SCN10A: variants seen among roughly 807,000 people sequenced by gnomAD.
SCN10A encodes sodium channel protein type 10 subunit alpha.
In SCN10A, 162 loss-of-function variants were observed where a neutral mutation model predicts 170.7. That is an observed-to-expected ratio of 0.95 (90% CI 0.84 to 1.08). The LOEUF is 1.08. Ranked by LOEUF, SCN10A falls within the 50% of genes least tolerant of loss-of-function variation. The probability of loss-of-function intolerance (pLI) is 0.00; values close to 1 mark genes in which losing one functional copy is unlikely to be tolerated. For synonymous variants in SCN10A, 985 were observed against 904.6 expected (o/e 1.09, Z -1.59); for missense variants, 2,527 against 2,436.9 (o/e 1.04, Z -0.78).
At chr3:38,756,493 T>A (rs961677510) in intron 10 of SCN10A, among the ~76,000 whole-genome samples, 181 bp downstream of exon 10, 1 of 152,200 alleles carries the variant, frequency 6.6e-6, no homozygotes, top group Non-Finnish European at 1.5e-5. Flanking sequence ...ATAGGTCACT[T>A]GCACAAGAAT....
At chr3:38,796,365 G>C (rs138952970) in intron 1 of SCN10A, among the ~76,000 whole-genome samples, 231 of 152,090 alleles carry the variant, frequency 1.5e-3, no homozygotes, top group Middle Eastern at 0.01. Flanking sequence ...CATACTGCTG[G>C]TCCAATCACT....
At position 38,742,335 on chromosome 3, in the gene SCN10A, C is replaced by T. The variant is rs779931477; in HGVS notation, c.2062G>A (p.Gly688Ser). 7 of 1,614,124 alleles carry T rather than the reference C, an allele frequency of 4.3e-6. No homozygotes were observed. In the Admixed American group the frequency reaches 6.7e-5, roughly 15 times the overall value. Residue 688 changes from glycine to serine, a missense_variant, in exon 14 of 28, where the codon GGC becomes AGC. Coordinates refer to ENST00000449082, the MANE Select transcript of SCN10A (RefSeq NM_006514.4). ...NTIFMAMEHH[G>S]MSPTFEAMLQ... ...ATGGCTTCGAAGGTAGGGCTCATGC[C>T]ATGGTGCTCCATGGCCATGAAGATG...
At chr3:38,713,338 G>C (rs1409524288) in intron 22 of SCN10A, among the ~76,000 whole-genome samples, 1 of 152,056 alleles carries the variant, frequency 6.6e-6, no homozygotes, top group Admixed American at 6.6e-5. Context: ...AGACTCATTT[G>C]TCATGGAAAG....
In SCN10A at chr3:38,768,388, T is replaced by A. The variant is rs138982168; in HGVS notation, c.599+2891A>T. 3.9e-5 allele frequency among the ~76,000 whole-genome samples: 6 copies of A among 152,304 alleles called. No individual in the cohort carries two copies. In the East Asian group the frequency reaches 1.2e-3, roughly 29 times the overall value. ...ATTTTGGTGTATTTTAAGGTTTTAT[T>A]TCAAGATTTAGAATTCCTTTTAGCA... On this transcript the variant is annotated intron_variant, in intron 5 of 27. Transcript: ENST00000449082.
chr3:38,717,180 T>G (rs2063342176), intron 21 of SCN10A, among the ~76,000 whole-genome samples: 1 of 151,168 alleles, frequency 6.6e-6, no homozygotes, highest in Non-Finnish European at 1.5e-5. Context: ...GAAAGAAGAA[T>G]GGGAATGGAT....
chr3:38,775,142 A>G (rs760714819), intron 4 of SCN10A, among the ~76,000 whole-genome samples: 1 of 152,220 alleles, frequency 6.6e-6, no homozygotes, highest in Non-Finnish European at 1.5e-5. Context: ...TACACAATTT[A>G]GTGGCATTAA....
rs544459331 is a variant in SCN10A at position 38,810,743 on chromosome 3, A to G, written c.-33+5294T>C. Among the ~76,000 whole-genome samples the G allele has an allele frequency of 1.8e-4, 28 of 152,364 alleles. No homozygotes were observed. The South Asian group carries it at 4.4e-3, about 24-fold the overall frequency. Reference sequence around the variant, plus strand: ...TAGCTCTGTGCCCCTGGTGCCTGGCAGCAAACAGCACATAGCACATACCCC... The same window carrying G: ...TAGCTCTGTGCCCCTGGTGCCTGGCGGCAAACAGCACATAGCACATACCCC... On this transcript the variant is annotated intron_variant, in intron 1 of 27. Transcript: ENST00000449082.
intron 1 of SCN10A, among the ~76,000 whole-genome samples, chr3:38,812,403 A>G (rs928759156): frequency 6.6e-6 from 1 of 152,164 alleles, no homozygotes; most frequent in Non-Finnish European, 1.5e-5. Context: ...AATGAATAAA[A>G]ATATTAACAC....
At chr3:38,772,635 G>T (rs1359189672) in intron 4 of SCN10A, among the ~76,000 whole-genome samples, 1 of 151,790 alleles carries the variant, frequency 6.6e-6, no homozygotes, top group African/African-American at 2.4e-5. Flanking sequence ...CTTGCAGTGA[G>T]CCTAGATCGC....
chr3:38,736,359 C>CACTG (rs1224815377), intron 15 of SCN10A, among the ~76,000 whole-genome samples: 9,451 of 90,810 alleles, frequency 0.1, 274 homozygotes, highest in Non-Finnish European at 0.11. Flanking sequence ...AATAGGGAAA[C>CACTG]TCTGTGTGTG....
intron 17 of SCN10A, among the ~76,000 whole-genome samples, chr3:38,725,925 A>G (rs911126070): frequency 6.6e-6 from 1 of 152,180 alleles, no homozygotes; most frequent in African/African-American, 2.4e-5. Flanking sequence ...CTACAGACTC[A>G]AAGCACAGCT....
At chr3:38,714,556 C>T (rs2063311385) in intron 21 of SCN10A, among the ~76,000 whole-genome samples, 1 of 152,158 alleles carries the variant, frequency 6.6e-6, no homozygotes, top group South Asian at 2.1e-4. Flanking sequence ...TGGGTGGGGT[C>T]TAATTCCCAT....
chr3:38,742,630 C>G (rs2063646376), intron 13 of SCN10A, 101 bp from the exon 14 acceptor site: 1 of 850,352 alleles, frequency 1.2e-6, no homozygotes. Context: ...ATAAGTACCA[C>G]CTCCAACATT....
intron 26 of SCN10A, 44 bp downstream of exon 26, chr3:38,707,235 G>A (rs771173856): frequency 6.3e-7 from 1 of 1,589,246 alleles, no homozygotes; most frequent in South Asian, 1.1e-5. Flanking sequence ...CTGTCATGTT[G>A]GATTCACAGA....
intron 13 of SCN10A, among the ~76,000 whole-genome samples, chr3:38,743,840 A>G (rs1304946739): frequency 6.6e-6 from 1 of 152,062 alleles, no homozygotes; most frequent in Non-Finnish European, 1.5e-5. Flanking sequence ...GCCAATTCCC[A>G]CCAAATTATG....
rs1482366337 is a variant in SCN10A at position 38,788,997 on chromosome 3, A to AC, written c.428_429insG (p.Asn143LysfsTer9). ...GGTCAGTTCGGGTCATGCACACACA[A>AC]TTAACCAAAATAGTGACCGTAATAA... On this transcript the variant is annotated frameshift_variant, in exon 4 of 28. Transcript: ENST00000449082. LOFTEE classifies it high-confidence loss of function. 1.9e-6 allele frequency: 3 copies of AC among 1,612,248 alleles called. No homozygotes were observed. The highest frequency in any genetic ancestry group is 2.5e-6 in the Non-Finnish European group (3 of 1,178,656).
At chr3:38,730,466 T>TA (rs993001441) in intron 15 of SCN10A, among the ~76,000 whole-genome samples, 31 of 152,128 alleles carry the variant, frequency 2.0e-4, no homozygotes, top group African/African-American at 5.5e-4. Flanking sequence ...AGAGTTGCAG[T>TA]AAAAAAACAA....
intron 21 of SCN10A, among the ~76,000 whole-genome samples, chr3:38,718,273 A>G (rs1232477229): frequency 6.6e-6 from 1 of 152,220 alleles, no homozygotes; most frequent in East Asian, 1.9e-4. Context: ...ACAGAACCGC[A>G]GGTGGGAAGA....
At chr3:38,773,401 G>A (rs2064033626) in intron 4 of SCN10A, among the ~76,000 whole-genome samples, 1 of 152,016 alleles carries the variant, frequency 6.6e-6, no homozygotes, top group African/African-American at 2.4e-5. Flanking sequence ...GAATGAAGAA[G>A]AAAAAATCTC....
Sources: allele counts gnomAD v4.1 joint callset (sites outside exome capture counted in the v4.1 genomes callset), GRCh38; gene constraint gnomAD v4.1.1; transcripts MANE v1.5; gene names NCBI Gene and HGNC (gene_info 2026-07-23, HGNC 2026-07-21).